The following MBNL1 variants were observed in gnomAD, a reference collection of about 807,000 sequenced individuals.
MBNL1 encodes the protein muscleblind like splicing regulator 1.
MBNL1 carries 8 observed loss-of-function variants against 42.2 expected under a neutral mutation model. That is an observed-to-expected ratio of 0.19 (90% CI 0.11 to 0.34). The LOEUF (loss-of-function observed/expected upper bound fraction) is 0.34, where lower values mean the gene tolerates loss of function less well. Among genes scored for constraint, MBNL1 ranks in the 10% least tolerant of loss-of-function variants. MBNL1 has a pLI of 1.00. For synonymous variants in MBNL1, 169 were observed against 173.9 expected, an observed-to-expected ratio of 0.97 and a Z score of 0.22; for missense variants, 309 against 495.3, an observed-to-expected ratio of 0.62 and a Z score of 3.57.
intron 2 of MBNL1, among the ~76,000 whole-genome samples, chr3:152,248,059 T>C (rs565321041): frequency 6.6e-6 from 1 of 152,114 alleles, no homozygotes; most frequent in East Asian, 1.9e-4. Flanking sequence ...TGGGAAAAAA[T>C]AAATTGCAAT....
At chr3:152,400,455 A>G (rs1295800581) in intron 2 of MBNL1, among the ~76,000 whole-genome samples, 2 of 152,212 alleles carry the variant, frequency 1.3e-5, no homozygotes, top group Admixed American at 6.5e-5. Context: ...TATAGAATCT[A>G]TTATTACTTA....
At chr3:152,458,526 C>T (rs141507547) in intron 8 of MBNL1, 91 of 272,534 alleles carry the variant, frequency 3.3e-4, no homozygotes, top group African/African-American at 1.8e-3. Flanking sequence ...GGCTAGCACC[C>T]GTGTCATCAG....
At chr3:152,325,789 C>T (rs1185290511) in intron 2 of MBNL1, among the ~76,000 whole-genome samples, 3 of 84,346 alleles carry the variant, frequency 3.6e-5, no homozygotes, top group African/African-American at 1.2e-4. Context: ...GATATGAACT[C>T]ATTCTTTTTT....
chr3:152,362,926 T>C (rs1318093486), intron 2 of MBNL1, among the ~76,000 whole-genome samples: 2 of 152,192 alleles, frequency 1.3e-5, no homozygotes, highest in African/African-American at 4.8e-5. Flanking sequence ...GAGTATTTTA[T>C]AGAATGAACA....
intron 2 of MBNL1, among the ~76,000 whole-genome samples, chr3:152,377,708 A>G (rs896840762): frequency 6.6e-6 from 1 of 152,210 alleles, no homozygotes; most frequent in Non-Finnish European, 1.5e-5. Flanking sequence ...ATTATTTAAC[A>G]TTGAGTAAAT....
intron 2 of MBNL1, among the ~76,000 whole-genome samples, chr3:152,302,780 A>C (rs1417192143): frequency 1.3e-5 from 2 of 152,184 alleles, no homozygotes; most frequent in Admixed American, 6.5e-5. Flanking sequence ...CTTTAATAAA[A>C]TGTGTCCTGT....
chr3:152,323,308 C>T (rs1040117147), intron 2 of MBNL1, among the ~76,000 whole-genome samples: 1 of 151,992 alleles, frequency 6.6e-6, no homozygotes, highest in South Asian at 2.1e-4. Context: ...TAGACTTATT[C>T]ATTCAACAAT....
chr3:152,418,357 G>C (rs1218383441), intron 3 of MBNL1, among the ~76,000 whole-genome samples: 1 of 146,050 alleles, frequency 6.8e-6, no homozygotes, highest in Non-Finnish European at 1.5e-5. Context: ...GGCCAACTCA[G>C]GGTCCTTGGT....
At chr3:152,457,342 T>A (rs1735665321) in intron 8 of MBNL1, among the ~76,000 whole-genome samples, 1 of 152,176 alleles carries the variant, frequency 6.6e-6, no homozygotes. Flanking sequence ...GGTAGCCAAA[T>A]GAATCTCAAA....
intron 1 of MBNL1, among the ~76,000 whole-genome samples, chr3:152,292,297 G>A (rs1216900972): frequency 6.6e-6 from 1 of 152,156 alleles, no homozygotes; most frequent in African/African-American, 2.4e-5. Flanking sequence ...TTTATGTTCT[G>A]TTTTGTCCTA....
intron 2 of MBNL1, among the ~76,000 whole-genome samples, chr3:152,334,736 T>A (rs1390560581): frequency 6.6e-6 from 1 of 152,220 alleles, no homozygotes; most frequent in East Asian, 1.9e-4. Context: ...ATTATTTGCT[T>A]ATTGGGAATG....
chr3:152,448,453 T>G (rs1051059621), intron 6 of MBNL1, among the ~76,000 whole-genome samples: 10 of 152,168 alleles, frequency 6.6e-5, no homozygotes, highest in Admixed American at 6.5e-4. Flanking sequence ...AGCTACTCAT[T>G]TAATTACCTG....
intron 4 of MBNL1, among the ~76,000 whole-genome samples, chr3:152,433,477 G>A (rs993146650): frequency 1.4e-4 from 21 of 152,124 alleles, no homozygotes; most frequent in African/African-American, 4.1e-4. Context: ...GCGGCCGGGC[G>A]CGGTGGCTCA....
chr3:152,266,262 G>T (rs2037212364), upstream of MBNL1: 1 of 152,046 alleles, frequency 6.6e-6, no homozygotes, highest in Non-Finnish European at 1.5e-5. Context: ...TACCAGGATG[G>T]TTATTCTACT....
intron 2 of MBNL1, among the ~76,000 whole-genome samples, chr3:152,334,385 G>T (rs1013320084): frequency 4.6e-5 from 7 of 152,148 alleles, no homozygotes; most frequent in Admixed American, 3.3e-4. Flanking sequence ...TTAGGTAAAT[G>T]CATTATTAAT....
intron 2 of MBNL1, among the ~76,000 whole-genome samples, chr3:152,316,278 C>A (rs1023930623): frequency 5.3e-5 from 8 of 152,182 alleles, no homozygotes; most frequent in African/African-American, 1.9e-4. Context: ...TGAACTTTAA[C>A]AGTAGAAAAG....
intron 3 of MBNL1, among the ~76,000 whole-genome samples, chr3:152,418,630 AAG>A (rs770781244): frequency 2.5e-4 from 36 of 145,472 alleles, no homozygotes; most frequent in African/African-American, 4.4e-4. Flanking sequence ...AAAAAAAAAA[AAG>A]AGAGAGAGAG....
intron 6 of MBNL1, among the ~76,000 whole-genome samples, chr3:152,450,354 A>G (rs182752360): frequency 9.9e-5 from 15 of 152,284 alleles, no homozygotes; most frequent in Non-Finnish European, 2.1e-4. Context: ...TGCATTCACA[A>G]AAATTGACGC....
intron 2 of MBNL1, among the ~76,000 whole-genome samples, chr3:152,345,601 G>A (rs1455139959): frequency 6.6e-6 from 1 of 152,140 alleles, no homozygotes; most frequent in African/African-American, 2.4e-5. Flanking sequence ...TAGAGAGAGA[G>A]ACAGCTGTAT....
Sources: allele counts gnomAD v4.1 joint callset (sites outside exome capture counted in the v4.1 genomes callset), GRCh38; gene constraint gnomAD v4.1.1; transcripts MANE v1.5; gene names NCBI Gene and HGNC (gene_info 2026-07-23, HGNC 2026-07-21).